ADAM28: variants seen among roughly 807,000 people sequenced by gnomAD.
ADAM28 encodes ADAM metallopeptidase domain 28.
A neutral mutation model predicts 101.2 loss-of-function variants in ADAM28; 105 were observed. The ratio of observed to expected loss-of-function variants is 1.04; its 90% CI spans 0.89 to 1.22. ADAM28 has a LOEUF of 1.22. Among genes scored for constraint, ADAM28 ranks in the 50% most tolerant of loss-of-function variants. ADAM28 has a pLI of 0.00. For missense variants in ADAM28, 1,028 were observed against 945.4 expected (o/e 1.09, Z -1.15); for synonymous variants, 322 against 310.6 (o/e 1.04, Z -0.39).
chr8:24,321,428 AC>A, intron 8 of ADAM28, 139 bp downstream of exon 8: 1 of 745,620 alleles, frequency 1.3e-6, no homozygotes, highest in Non-Finnish European at 2.5e-6. Context: ...CCAAAGGATG[AC>A]CACAACTTTT....
In ADAM28 at chr8:24,338,345, A is replaced by G. The variant is rs564546580; in HGVS notation, c.1568-1121A>G. On this transcript the variant is annotated intron_variant, in intron 14 of 22. Coordinates refer to ENST00000265769, the MANE Select transcript of ADAM28 (RefSeq NM_014265.6). ...AATTGGCAAGAAGTTATAAAACAGCATGATGCCAGATATATGAATGATACC... is the reference window on the plus strand; with the variant it reads ...AATTGGCAAGAAGTTATAAAACAGCGTGATGCCAGATATATGAATGATACC... 9.8e-5 allele frequency among the ~76,000 whole-genome samples: 15 copies of G among 152,356 alleles called. No individual in the cohort carries two copies. The South Asian group carries it at 3.1e-3, about 32-fold the overall frequency.
At chr8:24,352,493 CTT>C (rs1054066184) in intron 21 of ADAM28, among the ~76,000 whole-genome samples, 2 of 152,160 alleles carry the variant, frequency 1.3e-5, no homozygotes, top group African/African-American at 4.8e-5. Context: ...GAGCATCTCT[CTT>C]GTGCTTCTTC....
Position 24,354,383 on chromosome 8 carries a change from G to T in ADAM28, c.2308-1G>T. On this transcript the variant is annotated splice_acceptor_variant, in intron 22 of 22. Transcript: ENST00000265769. LOFTEE classifies it high-confidence loss of function. ...TCATTTAGAAGTTATGTCTTTTTTAGGACTCAAATCCAAAAGCATGAAGCA... is the reference window on the plus strand; with the variant it reads ...TCATTTAGAAGTTATGTCTTTTTTATGACTCAAATCCAAAAGCATGAAGCA... 1 of 1,570,088 alleles carries T rather than the reference G, an allele frequency of 6.4e-7. No homozygotes were observed. Among genetic ancestry groups the T allele is most frequent in the Non-Finnish European group, 8.6e-7 (1 of 1,156,464 alleles).
chr8:24,301,452 G>A (rs527809000), intron 2 of ADAM28, among the ~76,000 whole-genome samples: 1 of 151,926 alleles, frequency 6.6e-6, no homozygotes, highest in East Asian at 1.9e-4. Context: ...ACTGGCACAG[G>A]TATCCCCTGA....
intron 15 of ADAM28, 56 bp from the exon 16 acceptor site, chr8:24,341,542 G>C (rs1332874993): frequency 5.8e-6 from 9 of 1,549,694 alleles, no homozygotes; most frequent in Non-Finnish European, 7.1e-6. Context: ...TAGTCCTAGA[G>C]CATTTATGTA....
intron 14 of ADAM28, among the ~76,000 whole-genome samples, chr8:24,339,202 A>G (rs11998149): frequency 0.18 from 26,745 of 151,950 alleles, 2,480 homozygotes; most frequent in East Asian, 0.35. Context: ...TTTTGTACCT[A>G]GCACATAGTA....
chr8:24,325,889 A>AAAAAAAAAAC (rs1812526936), intron 9 of ADAM28, among the ~76,000 whole-genome samples: 1 of 141,924 alleles, frequency 7.0e-6, no homozygotes, highest in African/African-American at 2.8e-5. Context: ...AAAAAAAAAA[A>AAAAAAAAAAC]AAAAAAAAAA....
chr8:24,320,322 T>G lies in ADAM28; in HGVS notation c.648+15T>G, dbSNP rs13271763. The G allele has an allele frequency of 6.5e-7, 1 of 1,543,536 alleles. No individual in the cohort carries two copies. The highest frequency in any genetic ancestry group is 8.9e-7 in the Non-Finnish European group (1 of 1,124,738). On this transcript the variant is annotated intron_variant, in intron 7 of 22. Coordinates refer to ENST00000265769, the MANE Select transcript of ADAM28 (RefSeq NM_014265.6). ...ATAATGGTGAGGTAATTATATGAGA[T>G]AAATGTGCTGTCTTCCAAAACTCCC...
rs1367496449 is a variant in ADAM28 at position 24,330,025 on chromosome 8, C to T, written c.1013C>T (p.Ala338Val). The part of the protein sequence containing the change: ...DNLLRVAGTM[A>V]HEMGHNFGMF... ...CTTCTTAGAGTTGCAGGGACAATGG[C>T]ACATGAAATGGGCCACAACTTTGGA... Residue 338 changes from alanine to valine, a missense_variant, in exon 11 of 23, where the codon GCA becomes GTA. Transcript: ENST00000265769. The T allele has an allele frequency of 6.2e-7, 1 of 1,613,470 alleles. No homozygotes were observed. Among genetic ancestry groups the T allele is most frequent in the Non-Finnish European group, 8.5e-7 (1 of 1,179,736 alleles).
chr8:24,328,744 A>G (rs1347431831), intron 10 of ADAM28, among the ~76,000 whole-genome samples: 1 of 152,034 alleles, frequency 6.6e-6, no homozygotes, highest in Non-Finnish European at 1.5e-5. Context: ...CCTGGCCAAC[A>G]TGGTTAAACC....
rs5890146 is a variant in ADAM28 at position 24,325,871 on chromosome 8, C to CAAAAAAAAAAAAAA, written c.891-667_891-654dup. Reference sequence around the variant, plus strand: ...AAGGGCCAGGATCTTGTACAGATAGCAAAAAAAAAAAAAAAAAAAAAAAAA... The same window carrying CAAAAAAAAAAAAAA: ...AAGGGCCAGGATCTTGTACAGATAGCAAAAAAAAAAAAAAAAAAAAAAAAAAAAAAAAAAAAAAA... On this transcript the variant is annotated intron_variant, in intron 9 of 22. Coordinates refer to ENST00000265769, the MANE Select transcript of ADAM28 (RefSeq NM_014265.6). 6.3e-3 allele frequency among the ~76,000 whole-genome samples: 129 copies of CAAAAAAAAAAAAAA among 20,426 alleles called. 7 individuals carry two copies. The highest frequency in any genetic ancestry group is 7.2e-3 in the Non-Finnish European group (89 of 12,350). The allele number at this position is 20,426 out of a possible 152,430, so 13.4% of individuals were successfully genotyped here.
At chr8:24,321,109 A>G (rs964125262) in intron 7 of ADAM28, 109 bp from the exon 8 acceptor site, 96 of 644,946 alleles carry the variant, frequency 1.5e-4, no homozygotes, top group Non-Finnish European at 2.5e-4. Context: ...CTAATAACTA[A>G]TCTTTAATTA....
At chr8:24,295,243 A>G (rs950633760) in intron 1 of ADAM28, among the ~76,000 whole-genome samples, 1 of 152,088 alleles carries the variant, frequency 6.6e-6, no homozygotes, top group Non-Finnish European at 1.5e-5. Context: ...TTTTTGCTTT[A>G]TATAATATGT....
Position 24,313,587 on chromosome 8 carries a change from G to A in ADAM28, c.576+7G>A, listed in dbSNP as rs2129272476. 6.2e-7 allele frequency: 1 copy of A among 1,611,910 alleles called. No individual in the cohort carries two copies. The highest frequency in any genetic ancestry group is 2.2e-5 in the East Asian group (1 of 44,852). ...ACCTGCCACCAAACTAGTAGTATGTGTAACTTTATTTATTTGAAATGCTCT... is the reference window on the plus strand; with the variant it reads ...ACCTGCCACCAAACTAGTAGTATGTATAACTTTATTTATTTGAAATGCTCT... On this transcript the variant is annotated splice_region_variant and intron_variant, in intron 6 of 22. Transcript: ENST00000265769.
At chr8:24,329,250 GTTC>G (rs889439416) in intron 10 of ADAM28, among the ~76,000 whole-genome samples, 2 of 152,224 alleles carry the variant, frequency 1.3e-5, no homozygotes, top group African/African-American at 2.4e-5. Context: ...CTCTTGTACT[GTTC>G]TTCATCAAAC....
chr8:24,331,545 C>T (rs1462877744), intron 12 of ADAM28, among the ~76,000 whole-genome samples: 1 of 152,138 alleles, frequency 6.6e-6, no homozygotes, highest in Non-Finnish European at 1.5e-5. Context: ...CAACCTCATT[C>T]CTTTTTTTAA....
At chr8:24,316,489 G>A (rs1811179910) in intron 6 of ADAM28, among the ~76,000 whole-genome samples, 1 of 151,962 alleles carries the variant, frequency 6.6e-6, no homozygotes. Flanking sequence ...GAACACTGTT[G>A]CATTATTTTA....
intron 10 of ADAM28, among the ~76,000 whole-genome samples, chr8:24,328,636 T>C (rs1274443712): frequency 6.6e-6 from 1 of 151,878 alleles, no homozygotes; most frequent in Non-Finnish European, 1.5e-5. Flanking sequence ...ATTAACATAG[T>C]CAGGAAAAGT....
At chr8:24,352,232 A>G (rs1033782634) in intron 21 of ADAM28, among the ~76,000 whole-genome samples, 180 bp downstream of exon 21, 9 of 152,350 alleles carry the variant, frequency 5.9e-5, no homozygotes, top group Non-Finnish European at 8.8e-5. Flanking sequence ...ATGAACATGT[A>G]TGTCACTCCA....
Sources: gnomAD v4.1 joint callset for allele counts (sites outside exome capture counted in the v4.1 genomes callset) on GRCh38, gnomAD v4.1.1 for gene constraint, MANE v1.5 for transcripts, NCBI Gene and HGNC (gene_info 2026-07-23, HGNC 2026-07-21) for gene names.